Variants in NPAS3 observed in about 807,000 individuals in gnomAD.
NPAS3 encodes the protein neuronal PAS domain protein 3.
In NPAS3, 14 loss-of-function variants were observed where a neutral mutation model predicts 73.1. The ratio of observed to expected loss-of-function variants is 0.19; its 90% confidence interval spans 0.13 to 0.30. NPAS3 has a LOEUF of 0.30. Ranked by LOEUF, NPAS3 falls within the 10% of genes least tolerant of loss-of-function variation. The pLI is 1.00. For missense variants in NPAS3, 1,096 were observed against 1,250.0 expected, an observed-to-expected ratio of 0.88 and a Z score of 1.86; for synonymous variants, 620 against 541.5, an observed-to-expected ratio of 1.14 and a Z score of -2.01.
At chr14:33,568,205 C>A (rs929107233) in intron 5 of NPAS3, among the ~76,000 whole-genome samples, 1 of 152,072 alleles carries the variant, frequency 6.6e-6, no homozygotes, top group Non-Finnish European at 1.5e-5. Context: ...AAGTAGAGCA[C>A]TGAGCAAAAG....
At chr14:33,365,201 CAAAAAAAA>C (rs371230319) in intron 3 of NPAS3, among the ~76,000 whole-genome samples, 2 of 45,070 alleles carry the variant, frequency 4.4e-5, no homozygotes, top group Admixed American at 4.0e-4. Flanking sequence ...CCCATAATCT[CAAAAAAAA>C]AAAAAAAAAA....
In NPAS3 at chr14:33,800,825, A is replaced by T. The variant is rs765017776; in HGVS notation, c.2518A>T (p.Met840Leu). Residue 840 changes from methionine to leucine, a missense_variant, in exon 12 of 12, where the codon ATG becomes TTG. This residue lies in a region of NPAS3 where 698 missense variants were observed against 676.7 expected (regional missense o/e 1.03). Transcript: ENST00000356141. This position sits in a 1 kb window ranked among gnomAD's most constrained non-coding sequence, Gnocchi z 6.5. ...CGCGCCCGCCGAGGTGACCCTGGCC[A>T]TGCAGAGCAACCTGCTGCCCAACGC... 6.2e-7 allele frequency: 1 copy of T among 1,602,894 alleles called. No individual in the cohort carries two copies. Among genetic ancestry groups the T allele is most frequent in the South Asian group, 1.1e-5 (1 of 88,634 alleles).
chr14:33,555,404 C>T (rs1388838746), intron 4 of NPAS3, among the ~76,000 whole-genome samples: 2 of 151,976 alleles, frequency 1.3e-5, no homozygotes, highest in African/African-American at 4.8e-5. Flanking sequence ...AACCCTTTGA[C>T]CCCAGAATCT....
At chr14:33,278,318 C>A (rs2041430359) in intron 3 of NPAS3, among the ~76,000 whole-genome samples, 4 of 152,042 alleles carry the variant, frequency 2.6e-5, no homozygotes, top group Non-Finnish European at 5.9e-5. Context: ...CAGTATGTAT[C>A]TGGCATTTAC....
chr14:32,946,348 G>GCACA (rs3057257), intron 1 of NPAS3, among the ~76,000 whole-genome samples: 30,773 of 139,176 alleles, frequency 0.22, 3,667 homozygotes, highest in Middle Eastern at 0.3. Flanking sequence ...ACACACACGC[G>GCACA]CACACACACA....
At chr14:33,699,875 CA>C (rs2060482008) in intron 6 of NPAS3, among the ~76,000 whole-genome samples, 1 of 152,082 alleles carries the variant, frequency 6.6e-6, no homozygotes, top group African/African-American at 2.4e-5. Context: ...TTCCAAATAA[CA>C]GGGGGGAAAG....
rs555392661 is a variant in NPAS3 at position 33,555,119 on chromosome 14, A to G, written c.469-5002A>G. Among the ~76,000 whole-genome samples, 10 of 152,322 alleles carry G rather than the reference A, an allele frequency of 6.6e-5. No homozygotes were observed. In the East Asian group the frequency reaches 1.9e-3, roughly 29 times the overall value. ...GATGTGACAAAGGAAATCTCCGATC[A>G]GCCCTGTCTGGATGGCTAAGAACTG... On this transcript the variant is annotated intron_variant, in intron 4 of 11. Coordinates refer to ENST00000356141, the Ensembl canonical transcript of NPAS3.
At chr14:33,486,460 A>G (rs1379041826) in intron 4 of NPAS3, among the ~76,000 whole-genome samples, 2 of 152,120 alleles carry the variant, frequency 1.3e-5, no homozygotes, top group African/African-American at 2.4e-5. Context: ...CACTTATCTT[A>G]CCAGAAGCAA....
At chr14:33,640,830 T>C (rs1449052666) in intron 5 of NPAS3, among the ~76,000 whole-genome samples, 2 of 152,220 alleles carry the variant, frequency 1.3e-5, no homozygotes, top group East Asian at 3.8e-4. Context: ...ATGATAGAAG[T>C]ATATAGATGT....
At chr14:33,134,195 G>A (rs2043747706) in intron 2 of NPAS3, among the ~76,000 whole-genome samples, 1 of 151,942 alleles carries the variant, frequency 6.6e-6, no homozygotes, top group African/African-American at 2.4e-5. Context: ...TGGGAATTTA[G>A]GATGGACAGT....
At chr14:33,435,407 G>A (rs1367698162) in intron 4 of NPAS3, among the ~76,000 whole-genome samples, 2 of 152,102 alleles carry the variant, frequency 1.3e-5, no homozygotes, top group African/African-American at 2.4e-5. Flanking sequence ...AGTGTTCTGG[G>A]ATCATCCTGT....
In NPAS3 at chr14:33,800,623, C is replaced by T. The variant is rs2063679066; in HGVS notation, c.2316C>T (p.Gly772=). 5 of 1,368,366 alleles carry T rather than the reference C, an allele frequency of 3.7e-6. No homozygotes were observed. In the African/African-American group the frequency reaches 4.7e-5, roughly 13 times the overall value. 84.8% of individuals were successfully genotyped at this position (1,368,366 alleles called of 1,614,324 possible). A position where few individuals can be genotyped will look rare whatever the true frequency, so the allele number is the denominator to read the frequency against. ...GCGGGGGCGGGGGCGGGGGCGGCGG[C>T]GCGGGGGGCGGCGGCCCCAGCGCGT... The change falls in exon 12 of 12, where the codon GGC becomes GGT. Residue 772 remains glycine (G), a synonymous_variant. Coordinates refer to ENST00000356141, the Ensembl canonical transcript of NPAS3. This position sits in a 1 kb window ranked among gnomAD's most constrained non-coding sequence, Gnocchi z 6.5.
intron 4 of NPAS3, among the ~76,000 whole-genome samples, chr14:33,514,854 T>C (rs1595065190): frequency 6.6e-6 from 1 of 152,196 alleles, no homozygotes; most frequent in East Asian, 1.9e-4. Context: ...GTTGACTCAA[T>C]TCAGTCTCCT....
intron 6 of NPAS3, among the ~76,000 whole-genome samples, chr14:33,691,058 CA>C (rs1374203194): frequency 6.6e-6 from 1 of 152,134 alleles, no homozygotes; most frequent in African/African-American, 2.4e-5. Context: ...ATAACTTCAT[CA>C]AAAAACACCC....
intron 7 of NPAS3, among the ~76,000 whole-genome samples, chr14:33,747,619 TG>T (rs2061845263): frequency 6.6e-6 from 1 of 152,258 alleles, no homozygotes; most frequent in Non-Finnish European, 1.5e-5. Flanking sequence ...AGCTTTGGGC[TG>T]CTGCCTGGGC....
chr14:33,175,324 T>C (rs1273937584), intron 2 of NPAS3, among the ~76,000 whole-genome samples: 2 of 152,202 alleles, frequency 1.3e-5, no homozygotes, highest in African/African-American at 4.8e-5. Flanking sequence ...GTTGCTATTC[T>C]GTCCTTTCCT....
At chr14:33,764,609 T>C (rs2062401487) in intron 7 of NPAS3, among the ~76,000 whole-genome samples, 1 of 152,136 alleles carries the variant, frequency 6.6e-6, no homozygotes, top group Non-Finnish European at 1.5e-5. Flanking sequence ...TATATAACGT[T>C]GTTGGAAAAT....
At chr14:33,096,346 T>G (rs2042419308) in intron 2 of NPAS3, among the ~76,000 whole-genome samples, 1 of 152,188 alleles carries the variant, frequency 6.6e-6, no homozygotes. Context: ...TTCTTAGGTG[T>G]ATTTCATGCT....
At chr14:33,281,080 A>C (rs531543670) in intron 3 of NPAS3, among the ~76,000 whole-genome samples, 7 of 152,194 alleles carry the variant, frequency 4.6e-5, no homozygotes, top group Non-Finnish European at 8.8e-5. Context: ...TCCTCTTCTT[A>C]CGGTAGTGAA....
Sources: allele counts gnomAD v4.1 joint callset (sites outside exome capture counted in the v4.1 genomes callset), GRCh38; gene constraint gnomAD v4.1.1; regional missense constraint gnomAD v4.1.1; non-coding constraint Gnocchi (gnomAD v3.1); transcripts MANE v1.5; gene names NCBI Gene and HGNC (gene_info 2026-07-23, HGNC 2026-07-21).